The following SLC30A10 variants were observed in gnomAD, a reference collection of about 807,000 sequenced individuals.
SLC30A10 encodes solute carrier family 30 member 10.
SLC30A10 carries 8 observed loss-of-function variants against 21.7 expected under a neutral mutation model. The ratio of observed to expected loss-of-function variants is 0.37; its 90% CI spans 0.22 to 0.67. The LOEUF is 0.67. Ranked by LOEUF, SLC30A10 falls within the 30% of genes least tolerant of loss-of-function variation. SLC30A10 has a pLI of 0.58. For synonymous variants in SLC30A10, 272 were observed against 279.4 expected, an observed-to-expected ratio of 0.97 and a Z score of 0.26; for missense variants, 521 against 642.5, an observed-to-expected ratio of 0.81 and a Z score of 2.04.
chr1:219,922,176 GTTTTTTTTTTTT>G (rs869249213), intron 2 of SLC30A10, among the ~76,000 whole-genome samples: 571 of 36,446 alleles, frequency 0.016, 84 homozygotes, highest in African/African-American at 0.053. Context: ...GTGTGTGTGT[GTTTTTTTTTTTT>G]TTTTTTTTTT....
chr1:219,928,597 G>C, upstream of SLC30A10: 3 of 580,986 alleles, frequency 5.2e-6, no homozygotes, highest in East Asian at 3.6e-5. This position sits in a 1 kb window ranked among gnomAD's most constrained non-coding sequence, Gnocchi z 6.3. Context: ...ATAACGCGAG[G>C]CCGAGCGCCA....
chr1:219,950,577 T>C (rs955894165), intron 1 of SLC30A10, among the ~76,000 whole-genome samples: 2 of 151,230 alleles, frequency 1.3e-5, no homozygotes, highest in African/African-American at 2.4e-5. Flanking sequence ...AGGCAGAGTT[T>C]ACAGTGAGCC....
intron 2 of SLC30A10, among the ~76,000 whole-genome samples, chr1:219,922,289 A>G (rs1490089084): frequency 7.2e-6 from 1 of 138,024 alleles, no homozygotes; most frequent in Admixed American, 8.0e-5. Context: ...GGCCTCAAGT[A>G]ATCCTCTTGC....
intron 1 of SLC30A10, among the ~76,000 whole-genome samples, chr1:219,934,070 T>C (rs1340579506): frequency 6.6e-6 from 1 of 152,090 alleles, no homozygotes; most frequent in African/African-American, 2.4e-5. Flanking sequence ...GGGTGGATCA[T>C]GAGGTCAGGA....
At position 219,911,163 on chromosome 1, in the gene SLC30A10, T is replaced by TTTTTTTTTTG. The variant is rs1300148798; in HGVS notation, c.*4285_*4286insCAAAAAAAAA. 4.1e-5 allele frequency among the ~76,000 whole-genome samples: 6 copies of TTTTTTTTTTG among 144,968 alleles called. No individual in the cohort carries two copies. Among genetic ancestry groups the TTTTTTTTTTG allele is most frequent in the South Asian group, 2.3e-4 (1 of 4,404 alleles). ...TTTCTACATCAGTTTTTTTTTTTTTTTTTTTTTTTTTGCAGTCTTTTACTA... is the reference window on the plus strand; with the variant it reads ...TTTCTACATCAGTTTTTTTTTTTTTTTTTTTTTTTGTTTTTTTTTTTGCAGTCTTTTACTA... On this transcript the variant is annotated 3_prime_UTR_variant, in exon 4 of 4. Transcript: ENST00000366926.
chr1:219,943,866 G>A (rs2797544), intron 1 of SLC30A10, among the ~76,000 whole-genome samples: 51,873 of 151,520 alleles, frequency 0.34, 9,239 homozygotes, highest in Non-Finnish European at 0.4. Flanking sequence ...TTGGGAGGCC[G>A]AGGTGGGTGG....
intron 2 of SLC30A10, among the ~76,000 whole-genome samples, chr1:219,921,904 T>TGTGAGAGAGAGAGAGAGA (rs1200596880): frequency 1.2e-5 from 1 of 84,706 alleles, no homozygotes; most frequent in African/African-American, 5.5e-5. Context: ...TGTGTGTGTG[T>TGTGAGAGAGAGAGAGAGA]GAAAGAGAGA....
Position 219,918,739 on chromosome 1 carries a change from C to A in SLC30A10, c.719-245G>T. 5.0e-6 allele frequency: 2 copies of A among 397,680 alleles called. No homozygotes were observed. Among genetic ancestry groups the A allele is most frequent in the Non-Finnish European group, 8.8e-6 (2 of 227,356 alleles). The allele number at this position is 397,680 out of a possible 1,614,324, so 24.6% of individuals were successfully genotyped here. A position where few individuals can be genotyped will look rare whatever the true frequency, so the allele number is the denominator to read the frequency against. On this transcript the variant is annotated intron_variant, in intron 2 of 3. Coordinates refer to ENST00000366926, the MANE Select transcript of SLC30A10 (RefSeq NM_018713.3). This position sits in a 1 kb window ranked among gnomAD's most constrained non-coding sequence, Gnocchi z 4.4. ...AACAGCCTAGGAAGATTCTGACCTG[C>A]AGGAAGAGCGACTGTGCCGTCTCAC...
chr1:219,928,051 C>T lies in SLC30A10; in HGVS notation c.390G>A (p.Gly130=), dbSNP rs2102535371. ...CGGCGCAGTCCTGGAAGATGAGCAG[C>T]CCCACCACGTTGACCAACAGCCCCA... ...GVLGLLVNVV[G]LLIFQDCAAW... is the part of the protein sequence containing the mutation. Residue 130 remains glycine (G), a synonymous_variant, in exon 1 of 4, where the codon GGG becomes GGA. Coordinates refer to ENST00000366926, the MANE Select transcript of SLC30A10 (RefSeq NM_018713.3). The surrounding 1 kb of genome is among the most constrained non-coding windows in gnomAD (Gnocchi z 6.3). The T allele has an allele frequency of 4.4e-6, 7 of 1,590,480 alleles. No individual in the cohort carries two copies. Among genetic ancestry groups the T allele is most frequent in the Non-Finnish European group, 6.0e-6 (7 of 1,170,018 alleles).
upstream of SLC30A10, among the ~76,000 whole-genome samples, chr1:219,931,931 T>A (rs1776041): frequency 0.06 from 9,132 of 152,254 alleles, 913 homozygotes; most frequent in African/African-American, 0.21. Flanking sequence ...TTTTATAGGA[T>A]AGAACCTGAG....
In SLC30A10 at chr1:219,914,288, G is replaced by A. The variant is rs180746790; in HGVS notation, c.*1161C>T. 88 of 152,048 alleles carry A rather than the reference G, an allele frequency of 5.8e-4. No individual in the cohort carries two copies. The highest frequency in any genetic ancestry group is 2.0e-3 in the African/African-American group (85 of 41,536). The allele number at this position is 152,048 out of a possible 1,614,324, so 9.4% of individuals were successfully genotyped here. A position where few individuals can be genotyped will look rare whatever the true frequency, so the allele number is the denominator to read the frequency against. Reference sequence around the variant, plus strand: ...ATAGTTTGGTTATGGGTCTGAATCCGATTATAAAAATTTTATTTGAACTTG... The same window carrying A: ...ATAGTTTGGTTATGGGTCTGAATCCAATTATAAAAATTTTATTTGAACTTG... On this transcript the variant is annotated 3_prime_UTR_variant, in exon 4 of 4. Transcript: ENST00000366926.
At chr1:219,930,721 T>C (rs1004710752), upstream of SLC30A10, among the ~76,000 whole-genome samples, 2 of 152,162 alleles carry the variant, frequency 1.3e-5, no homozygotes, top group African/African-American at 4.8e-5. Context: ...AAGTATTTTC[T>C]AAAAATCAAC....
chr1:219,929,125 C>A (rs1403582231), upstream of SLC30A10, among the ~76,000 whole-genome samples: 1 of 152,244 alleles, frequency 6.6e-6, no homozygotes, highest in Non-Finnish European at 1.5e-5. Context: ...TTCCACTAAC[C>A]CCAGGATAAA....
chr1:219,928,497 C>T lies in SLC30A10; in HGVS notation c.-57G>A. 6.9e-7 allele frequency: 1 copy of T among 1,441,360 alleles called. No individual in the cohort carries two copies. The highest frequency in any genetic ancestry group is 9.1e-7 in the Non-Finnish European group (1 of 1,103,246). The allele number at this position is 1,441,360 out of a possible 1,614,324, so 89.3% of individuals were successfully genotyped here. The stretch of plus-strand genomic sequence containing the variant: ...CCAGGGGAGCGCAGCCCACCCCGCG[C>T]GCAGCCACAGGTGGGGGGCGCGGCG... On this transcript the variant is annotated 5_prime_UTR_variant, in exon 1 of 4. Transcript: ENST00000366926. The surrounding 1 kb of genome is among the most constrained non-coding windows in gnomAD (Gnocchi z 6.3).
chr1:219,931,191 A>C (rs17006872), upstream of SLC30A10, among the ~76,000 whole-genome samples: 9,104 of 152,278 alleles, frequency 0.06, 904 homozygotes, highest in African/African-American at 0.21. Context: ...AATCAGCAGA[A>C]ATGTATCACT....
chr1:219,944,983 C>A (rs576446417), intron 1 of SLC30A10, among the ~76,000 whole-genome samples: 2 of 152,190 alleles, frequency 1.3e-5, no homozygotes, highest in South Asian at 2.1e-4. Context: ...CCATGGAATC[C>A]TTTTCAGCAA....
intron 1 of SLC30A10, among the ~76,000 whole-genome samples, chr1:219,956,161 T>C (rs1043889920): frequency 1.3e-5 from 2 of 152,154 alleles, no homozygotes; most frequent in Non-Finnish European, 1.5e-5. Flanking sequence ...CTAAAATTTC[T>C]TTTCTTTTTC....
intron 1 of SLC30A10, among the ~76,000 whole-genome samples, chr1:219,957,980 T>C (rs773705884): frequency 1.3e-5 from 2 of 152,172 alleles, no homozygotes; most frequent in Non-Finnish European, 2.9e-5. Flanking sequence ...AATAAATAAG[T>C]GCAAATTTTC....
chr1:219,937,200 C>T lies in SLC30A10; in HGVS notation n.81-10095G>A, dbSNP rs185898640. Reference sequence around the variant, plus strand: ...ATCATTGTATCTTGACATTGCATGTCGCTGTGGAAAAATCTGAGTACAGCC... The same window carrying T: ...ATCATTGTATCTTGACATTGCATGTTGCTGTGGAAAAATCTGAGTACAGCC... On this transcript the variant is annotated intron_variant and non_coding_transcript_variant, in intron 1 of 8. Coordinates refer to the SLC30A10 transcript ENST00000484239. 1.5e-4 allele frequency among the ~76,000 whole-genome samples: 23 copies of T among 152,266 alleles called. No individual in the cohort carries two copies. The East Asian group carries it at 3.3e-3, about 22-fold the overall frequency.
Sources: allele counts gnomAD v4.1 joint callset (sites outside exome capture counted in the v4.1 genomes callset), GRCh38; gene constraint gnomAD v4.1.1; non-coding constraint Gnocchi (gnomAD v3.1); transcripts MANE v1.5; gene names NCBI Gene and HGNC (gene_info 2026-07-23, HGNC 2026-07-21).